PYHIN1: variants seen among roughly 807,000 people sequenced by gnomAD.
The protein encoded by PYHIN1 is pyrin and HIN domain family member 1, also known as pyrin and HIN domain-containing protein 1.
PYHIN1 carries 32 observed loss-of-function variants against 43.7 expected under a neutral mutation model. The ratio of observed to expected loss-of-function variants is 0.73; its 90% confidence interval spans 0.55 to 0.98. The LOEUF (loss-of-function observed/expected upper bound fraction) is 0.98. PYHIN1 is among the 50% of genes least tolerant of loss of function. PYHIN1 has a pLI of 0.00. For synonymous variants in PYHIN1, 205 were observed against 203.1 expected, an observed-to-expected ratio of 1.01 and a Z score of -0.08; for missense variants, 588 against 589.5, an observed-to-expected ratio of 1.00 and a Z score of 0.03.
At chr1:158,990,697 G>A in the PYHIN1 span, among the ~76,000 whole-genome samples, 1 of 151,990 alleles carries the variant, frequency 6.6e-6, no homozygotes, top group African/African-American at 2.4e-5. Context: ...CCTACCCTTT[G>A]TTTACCACCA....
chr1:158,972,783 C>T (rs933218168), intron 7 of PYHIN1, among the ~76,000 whole-genome samples: 1 of 152,058 alleles, frequency 6.6e-6, no homozygotes, highest in African/African-American at 2.4e-5. Flanking sequence ...CTCCTGATAA[C>T]CCCATCCAAA....
intron 7 of PYHIN1, among the ~76,000 whole-genome samples, chr1:158,962,860 G>T (rs989258400): frequency 2.6e-5 from 4 of 152,236 alleles, no homozygotes; most frequent in African/African-American, 4.8e-5. Flanking sequence ...TGGGGAGGGG[G>T]TCCCAGAGGC....
intron 7 of PYHIN1, among the ~76,000 whole-genome samples, chr1:158,958,515 C>G (rs1031719769): frequency 3.7e-4 from 54 of 145,670 alleles, no homozygotes; most frequent in African/African-American, 1.3e-3. Context: ...AACAAAAAAC[C>G]AAACACTGCA....
intron 7 of PYHIN1, among the ~76,000 whole-genome samples, chr1:158,969,320 G>T (rs939199090): frequency 7.9e-5 from 12 of 151,860 alleles, no homozygotes; most frequent in African/African-American, 2.7e-4. Context: ...CCATGTTAAG[G>T]CCTATGAATC....
At chr1:158,943,319 T>C (rs1025554120) in intron 5 of PYHIN1, among the ~76,000 whole-genome samples, 1 of 152,190 alleles carries the variant, frequency 6.6e-6, no homozygotes, top group Non-Finnish European at 1.5e-5. Context: ...GAGCAGATGT[T>C]GAAAGAGATT....
chr1:158,955,943 T>A (rs1649894349), intron 7 of PYHIN1, among the ~76,000 whole-genome samples: 1 of 124,332 alleles, frequency 8.0e-6, no homozygotes, highest in African/African-American at 2.9e-5. Context: ...CCCACAGAAA[T>A]ACAAACTACC....
At chr1:158,971,978 AT>A (rs905970007) in intron 7 of PYHIN1, among the ~76,000 whole-genome samples, 22 of 152,072 alleles carry the variant, frequency 1.4e-4, no homozygotes, top group African/African-American at 1.7e-4. Context: ...AAAGAAAAAA[AT>A]AAATTAAAAA....
chr1:158,981,221 G>A (rs1381794591), downstream of PYHIN1, among the ~76,000 whole-genome samples: 2 of 152,164 alleles, frequency 1.3e-5, no homozygotes, highest in Non-Finnish European at 2.9e-5. Flanking sequence ...GCATACACAT[G>A]TACTTTGGGA....
chr1:158,935,572 G>A (rs1648479637), intron 1 of PYHIN1, among the ~76,000 whole-genome samples: 1 of 152,134 alleles, frequency 6.6e-6, no homozygotes, highest in African/African-American at 2.4e-5. Flanking sequence ...TAGTTTTATG[G>A]GCACAGAGGA....
In PYHIN1 at chr1:158,962,836, ACT is replaced by A. The variant is rs144158650; in HGVS notation, c.1360-10808_1360-10807del. Among the ~76,000 whole-genome samples, 1,395 of 152,042 alleles carry A rather than the reference ACT, an allele frequency of 9.2e-3. 24 individuals are homozygous for A. Among genetic ancestry groups the A allele is most frequent in the African/African-American group, 0.032 (1,340 of 41,476 alleles). The stretch of plus-strand genomic sequence containing the variant: ...TGGCTAAGCATACGGTCTGCTAGTA[ACT>A]CTGTGTTTCCCTGGGGAGGGGGTCC... On this transcript the variant is annotated intron_variant, in intron 7 of 8. Transcript: ENST00000368140.
At chr1:158,983,510 G>A in the PYHIN1 span, among the ~76,000 whole-genome samples, 5 of 152,152 alleles carry the variant, frequency 3.3e-5, no homozygotes, top group South Asian at 1.0e-3. Context: ...TGGTGGCTTA[G>A]CTTTTGCTGT....
intron 7 of PYHIN1, among the ~76,000 whole-genome samples, chr1:158,962,852 G>A (rs938429686): frequency 6.6e-6 from 1 of 152,138 alleles, no homozygotes; most frequent in Non-Finnish European, 1.5e-5. Flanking sequence ...TGTTTCCCTG[G>A]GGAGGGGGTC....
the PYHIN1 span, among the ~76,000 whole-genome samples, chr1:158,986,595 T>C: frequency 1.8e-4 from 27 of 152,160 alleles, no homozygotes; most frequent in African/African-American, 5.8e-4. Context: ...TGCTGAAAGT[T>C]GGTGCAGCGA....
intron 7 of PYHIN1, among the ~76,000 whole-genome samples, chr1:158,960,003 C>G (rs545252699): frequency 6.6e-6 from 1 of 152,186 alleles, no homozygotes; most frequent in Non-Finnish European, 1.5e-5. Context: ...ACTATTTTTA[C>G]ATTCATTTCT....
chr1:158,934,106 G>T (rs925736073), intron 1 of PYHIN1, among the ~76,000 whole-genome samples: 5 of 151,918 alleles, frequency 3.3e-5, no homozygotes, highest in South Asian at 4.1e-4. Context: ...TACCTGGGGG[G>T]CTCGGTATGT....
downstream of PYHIN1, among the ~76,000 whole-genome samples, chr1:158,980,205 T>G (rs1651440092): frequency 2.0e-5 from 3 of 152,154 alleles, no homozygotes; most frequent in Non-Finnish European, 2.9e-5. Flanking sequence ...TACTTAAATC[T>G]TTTAATCCTG....
chr1:158,954,798 C>T (rs12058826), intron 7 of PYHIN1, among the ~76,000 whole-genome samples: 2,316 of 151,092 alleles, frequency 0.015, 54 homozygotes, highest in African/African-American at 0.054. Flanking sequence ...TTAAAAGACA[C>T]AGACTGGCAA....
chr1:158,938,488 C>T lies in PYHIN1; in HGVS notation c.357C>T (p.Cys119=), dbSNP rs1648701588. 3 of 1,614,078 alleles carry T rather than the reference C, an allele frequency of 1.9e-6. No homozygotes were observed. Among genetic ancestry groups the T allele is most frequent in the South Asian group, 1.1e-5 (1 of 91,092 alleles). ...QKEVYPATPA[C]TPSNRLTAKG... ...AAGTGTATCCTGCTACACCTGCATGCACCCCAAGCAACCGTCTCACAGCTA... is the reference window on the plus strand; with the variant it reads ...AAGTGTATCCTGCTACACCTGCATGTACCCCAAGCAACCGTCTCACAGCTA... Residue 119 remains cysteine (C), a synonymous_variant, in exon 3 of 9, where the codon TGC becomes TGT. Transcript: ENST00000368140.
chr1:158,953,024 C>T (rs139568091), intron 7 of PYHIN1, among the ~76,000 whole-genome samples: 2 of 152,192 alleles, frequency 1.3e-5, no homozygotes, highest in African/African-American at 4.8e-5. Context: ...CACTCCCACC[C>T]GAATATTGCG....
Sources: gnomAD v4.1 joint callset for allele counts (sites outside exome capture counted in the v4.1 genomes callset) on GRCh38, gnomAD v4.1.1 for gene constraint, MANE v1.5 for transcripts, NCBI Gene and HGNC (gene_info 2026-07-23, HGNC 2026-07-21) for gene names.